Variants in ASNS observed in about 807,000 individuals in gnomAD.
ASNS encodes asparagine synthetase [glutamine-hydrolyzing].
In ASNS, 37 loss-of-function variants were observed where a neutral mutation model predicts 62.6. The observed-to-expected ratio is 0.59, with a 90% confidence interval of 0.45 to 0.78. The LOEUF (loss-of-function observed/expected upper bound fraction) is 0.78. ASNS is among the 30% of genes least tolerant of loss of function. The pLI is 0.00. For missense variants in ASNS, 520 were observed against 682.4 expected (o/e 0.76, Z 2.65); for synonymous variants, 207 against 237.9 (o/e 0.87, Z 1.19).
the ASNS span, among the ~76,000 whole-genome samples, chr7:97,882,535 A>G: frequency 7.2e-6 from 1 of 139,118 alleles, no homozygotes; most frequent in Non-Finnish European, 1.5e-5. Context: ...AGACAGAGAG[A>G]GATTAAATAA....
chr7:97,858,716 A>G, intron 6 of ASNS, 138 bp downstream of exon 6: 1 of 892,768 alleles, frequency 1.1e-6, no homozygotes. Context: ...CAGCTTATAA[A>G]AAATCATTTC....
At chr7:97,859,094 C>T (rs1040225434) in intron 5 of ASNS, 119 bp downstream of exon 5, 48 of 1,426,250 alleles carry the variant, frequency 3.4e-5, no homozygotes, top group Non-Finnish European at 4.5e-5. Flanking sequence ...AATGTGTTCC[C>T]TCCAAACAAA....
chr7:97,903,084 G>A, the ASNS span, among the ~76,000 whole-genome samples: 1 of 152,096 alleles, frequency 6.6e-6, no homozygotes, highest in Non-Finnish European at 1.5e-5. Context: ...AAATTGCTGA[G>A]CCAAAATGTC....
At chr7:97,919,881 G>C in the ASNS span, among the ~76,000 whole-genome samples, 1 of 152,206 alleles carries the variant, frequency 6.6e-6, no homozygotes, top group African/African-American at 2.4e-5. Flanking sequence ...GCCTCACCTG[G>C]AGCAGGTTAA....
In ASNS at chr7:97,868,919, T is replaced by C; in HGVS notation, c.238A>G (p.Asn80Asp). 6.2e-7 allele frequency: 1 copy of C among 1,614,064 alleles called. No homozygotes were observed. The highest frequency in any genetic ancestry group is 1.3e-5 in the African/African-American group (1 of 75,058). ...LWLCYNGEIY[N>D]HKKMQQHFEF... ...TTCTTTCTCCTCACCTTCTTATGGT[T>C]GTAGATTTCACCATTGTAACAGAGC... Residue 80 changes from asparagine (N) to aspartate (D), a missense_variant, in exon 3 of 13, where the codon AAC becomes GAC. Asn to Asp is a conservative substitution (Grantham distance 23). Transcript: ENST00000394308.
chr7:97,893,910 G>A, the ASNS span, among the ~76,000 whole-genome samples: 2 of 152,252 alleles, frequency 1.3e-5, no homozygotes, highest in African/African-American at 4.8e-5. Flanking sequence ...TCATCCAGCA[G>A]CAGCAGAATA....
At chr7:97,854,016 T>C (rs1489094422) in intron 10 of ASNS, among the ~76,000 whole-genome samples, 1 of 152,228 alleles carries the variant, frequency 6.6e-6, no homozygotes, top group Non-Finnish European at 1.5e-5. Flanking sequence ...TGTCAGTTGT[T>C]TATCCTGTAC....
intron 3 of ASNS, 122 bp downstream of exon 3, chr7:97,868,786 T>G: frequency 2.7e-4 from 368 of 1,386,402 alleles, no homozygotes; most frequent in Non-Finnish European, 3.3e-4. Flanking sequence ...TTAGAGCAAA[T>G]GAGATAACGA....
chr7:97,905,674 T>C, the ASNS span, among the ~76,000 whole-genome samples: 2 of 152,288 alleles, frequency 1.3e-5, no homozygotes, highest in South Asian at 4.1e-4. Context: ...TCCCATGTTA[T>C]AAGGAGAAGC....
the ASNS span, chr7:97,899,130 C>T: frequency 2.4e-5 from 9 of 376,320 alleles, no homozygotes; most frequent in Middle Eastern, 8.1e-4. Context: ...TGGTGCTGCT[C>T]GGAGTACCAA....
chr7:97,916,627 A>G, the ASNS span, among the ~76,000 whole-genome samples: 35 of 152,252 alleles, frequency 2.3e-4, no homozygotes, highest in African/African-American at 7.9e-4. Flanking sequence ...TGCTTTATTT[A>G]TTTGGGGTGG....
Position 97,853,402 on chromosome 7 carries a change from A to G in ASNS, c.1239-16T>C. 6.2e-7 allele frequency: 1 copy of G among 1,604,232 alleles called. No individual in the cohort carries two copies. Among genetic ancestry groups the G allele is most frequent in the Non-Finnish European group, 8.5e-7 (1 of 1,174,236 alleles). On this transcript the variant is annotated splice_polypyrimidine_tract_variant and intron_variant, in intron 10 of 12. Coordinates refer to ENST00000394308, the MANE Select transcript of ASNS (RefSeq NM_001673.5). ...CAGTTCAAGACTTAAAGGAGAAAAGAAGAAAATCTAAATTAAAATGGGTAT... is the reference window on the plus strand; with the variant it reads ...CAGTTCAAGACTTAAAGGAGAAAAGGAGAAAATCTAAATTAAAATGGGTAT...
intron 3 of ASNS, among the ~76,000 whole-genome samples, chr7:97,867,762 T>G (rs1792046061): frequency 6.6e-6 from 1 of 152,176 alleles, no homozygotes; most frequent in Non-Finnish European, 1.5e-5. Flanking sequence ...AGACCCTTAA[T>G]AAAGGAATAA....
intron 9 of ASNS, 136 bp from the exon 10 acceptor site, chr7:97,854,816 A>AG (rs1791358961): frequency 6.7e-7 from 1 of 1,497,472 alleles, no homozygotes; most frequent in African/African-American, 1.4e-5. Flanking sequence ...AACTGAACAG[A>AG]GGTAAGCAAT....
Position 97,859,259 on chromosome 7 carries a change from A to T in ASNS, c.627T>A (p.Asp209Glu), listed in dbSNP as rs755849715. 2 of 1,614,146 alleles carry T rather than the reference A, an allele frequency of 1.2e-6. No homozygotes were observed. The highest frequency in any genetic ancestry group is 4.5e-5 in the East Asian group (2 of 44,874). ...VEMVKYHHCRDVPLHALYDNV... is the reference protein window; with the variant it reads ...VEMVKYHHCREVPLHALYDNV... ...TGTCATAGAGGGCGTGCAGGGGTAC[A>T]TCCCGACAGTGATGATATTTAACCA... is the stretch of plus-strand genomic sequence containing the variant. The change falls in exon 5 of 13, where the codon GAT (aspartate) becomes GAA (glutamate). Residue 209 changes from aspartate (D) to glutamate (E), a missense_variant. Transcript: ENST00000394308.
the ASNS span, among the ~76,000 whole-genome samples, chr7:97,926,830 C>T: frequency 6.6e-6 from 1 of 152,072 alleles, no homozygotes; most frequent in Non-Finnish European, 1.5e-5. Flanking sequence ...ATTTCATTAT[C>T]AACATATCAT....
At chr7:97,905,878 CT>C in the ASNS span, among the ~76,000 whole-genome samples, 1 of 152,152 alleles carries the variant, frequency 6.6e-6, no homozygotes, top group Non-Finnish European at 1.5e-5. Context: ...CAAGAAAAAC[CT>C]TGATTATCCC....
At chr7:97,868,518 C>CGTGTGTGTGTGTGTGTGT (rs543590888) in intron 3 of ASNS, among the ~76,000 whole-genome samples, 1 of 62,060 alleles carries the variant, frequency 1.6e-5, no homozygotes. Flanking sequence ...TCAGCAAAAA[C>CGTGTGTGTGTGTGTGTGT]ATGTGTGTGT....
the ASNS span, among the ~76,000 whole-genome samples, chr7:97,896,737 C>CATAT: frequency 1.2e-3 from 37 of 30,508 alleles, 1 homozygote; most frequent in South Asian, 0.013. Flanking sequence ...CACACACACA[C>CATAT]ACACATATAT....
Sources: gnomAD v4.1 joint callset for allele counts (sites outside exome capture counted in the v4.1 genomes callset) on GRCh38, gnomAD v4.1.1 for gene constraint, MANE v1.5 for transcripts, NCBI Gene and HGNC (gene_info 2026-07-23, HGNC 2026-07-21) for gene names.